The following COL28A1 variants were observed in gnomAD, a reference collection of about 807,000 sequenced individuals.
COL28A1 encodes collagen alpha-1(XXVIII) chain.
In COL28A1, 161 loss-of-function variants were observed where a neutral mutation model predicts 150.2. The observed-to-expected ratio is 1.07, with a 90% CI of 0.94 to 1.22. The LOEUF (loss-of-function observed/expected upper bound fraction) is 1.22. COL28A1 is among the 50% of genes most tolerant of loss of function. COL28A1 has a pLI of 0.00. For synonymous variants in COL28A1, 552 were observed against 469.7 expected (o/e 1.18, Z -2.26); for missense variants, 1,617 against 1,388.3 (o/e 1.16, Z -2.62).
intron 8 of COL28A1, chr7:7,511,847 G>GA (rs2115150710): frequency 2.2e-6 from 1 of 464,842 alleles, no homozygotes; most frequent in East Asian, 7.1e-5. Context: ...GAATATTGCT[G>GA]AAAAAACAAC....
chr7:7,501,555 C>CA lies in COL28A1; in HGVS notation c.1026+4458dup, dbSNP rs573989000. Reference sequence around the variant, plus strand: ...CCTCAGAAAGACATCAAGAAAATGGCAAAAATTACCTAATATAGGCTGGGC... The same window carrying CA: ...CCTCAGAAAGACATCAAGAAAATGGCAAAAAATTACCTAATATAGGCTGGGC... On this transcript the variant is annotated intron_variant, in intron 11 of 34. Coordinates refer to ENST00000399429, the MANE Select transcript of COL28A1 (RefSeq NM_001037763.3). 1.5e-3 allele frequency among the ~76,000 whole-genome samples: 234 copies of CA among 152,266 alleles called. 4 individuals carry two copies. The highest frequency in any genetic ancestry group is 5.3e-3 in the African/African-American group (222 of 41,544).
chr7:7,411,926 T>C (rs1399922814), intron 27 of COL28A1, among the ~76,000 whole-genome samples: 1 of 152,202 alleles, frequency 6.6e-6, no homozygotes, highest in Non-Finnish European at 1.5e-5. Flanking sequence ...GAGACCACCA[T>C]ACTTTCTGTT....
intron 27 of COL28A1, among the ~76,000 whole-genome samples, chr7:7,414,516 G>A (rs1042677867): frequency 6.6e-6 from 1 of 152,230 alleles, no homozygotes; most frequent in Non-Finnish European, 1.5e-5. Context: ...ACTAAATAAA[G>A]AGGGGCGAGC....
intron 33 of COL28A1, among the ~76,000 whole-genome samples, chr7:7,361,960 C>A (rs560898118): frequency 6.6e-6 from 1 of 152,088 alleles, no homozygotes; most frequent in Admixed American, 6.6e-5. Flanking sequence ...TGTTCTCATT[C>A]GTAAGTGGGA....
chr7:7,538,941 CCTTT>C (rs142979785), upstream of COL28A1, among the ~76,000 whole-genome samples: 4,036 of 151,002 alleles, frequency 0.027, 194 homozygotes, highest in African/African-American at 0.092. Flanking sequence ...AAGATCCTTT[CCTTT>C]CTTTCTTTCT....
the COL28A1 span, among the ~76,000 whole-genome samples, chr7:7,338,406 T>C: frequency 6.6e-6 from 1 of 152,138 alleles, no homozygotes; most frequent in Non-Finnish European, 1.5e-5. Context: ...TAAAGATCTT[T>C]CTGCTCCTTT....
intron 5 of COL28A1, 67 bp from the exon 6 acceptor site, chr7:7,520,182 T>C (rs1330658592): frequency 1.3e-6 from 1 of 775,394 alleles, no homozygotes; most frequent in Non-Finnish European, 2.2e-6. Flanking sequence ...TTTATAATAA[T>C]TTCTGATCAG....
In COL28A1 at chr7:7,532,846, G is replaced by T; in HGVS notation, c.30C>A (p.Leu10=). 6.2e-7 allele frequency: 1 copy of T among 1,611,480 alleles called. No individual in the cohort carries two copies. Among genetic ancestry groups the T allele is most frequent in the Non-Finnish European group, 8.5e-7 (1 of 1,179,006 alleles). MWNRYFVFY[L]LLLSAFTSQT... ...GACTCGTAAACGCTGACAAAAGCAGGAGATAGAAGACAAAATATCTGTTCC... is the reference window on the plus strand; with the variant it reads ...GACTCGTAAACGCTGACAAAAGCAGTAGATAGAAGACAAAATATCTGTTCC... The change falls in exon 2 of 35, where the codon CTC becomes CTA. Residue 10 remains leucine (L), a synonymous_variant. Coordinates refer to ENST00000399429, the MANE Select transcript of COL28A1 (RefSeq NM_001037763.3).
chr7:7,393,932 G>A (rs993942738), intron 27 of COL28A1, among the ~76,000 whole-genome samples: 1 of 151,968 alleles, frequency 6.6e-6, no homozygotes, highest in Admixed American at 6.6e-5. Flanking sequence ...TTCCAGGGGA[G>A]TGAACAGTTC....
At position 7,475,006 on chromosome 7, in the gene COL28A1, T is replaced by C. The variant is rs138092347; in HGVS notation, c.1234-337A>G. Among the ~76,000 whole-genome samples, 707 of 152,258 alleles carry C rather than the reference T, an allele frequency of 4.6e-3. 5 individuals are homozygous for C. Among genetic ancestry groups the C allele is most frequent in the East Asian group, 0.022 (115 of 5,178 alleles). ...ACATAGTATAACTAACTGGATCAAG[T>C]CTCCTTTTCCTTAATATTGCTGAAA... is the stretch of plus-strand genomic sequence containing the variant. On this transcript the variant is annotated intron_variant, in intron 14 of 34. Coordinates refer to ENST00000399429, the MANE Select transcript of COL28A1 (RefSeq NM_001037763.3).
chr7:7,349,105 T>G, the COL28A1 span, among the ~76,000 whole-genome samples: 1 of 152,112 alleles, frequency 6.6e-6, no homozygotes, highest in African/African-American at 2.4e-5. Flanking sequence ...TAAAATTTCC[T>G]CTATGGTTTA....
chr7:7,413,974 T>C (rs921600128), intron 27 of COL28A1, among the ~76,000 whole-genome samples: 1 of 152,300 alleles, frequency 6.6e-6, no homozygotes, highest in African/African-American at 2.4e-5. Flanking sequence ...CTGGGTCCTC[T>C]GAAAATAAGT....
intron 31 of COL28A1, among the ~76,000 whole-genome samples, chr7:7,374,491 C>T (rs1049712739): frequency 6.6e-6 from 1 of 152,126 alleles, no homozygotes; most frequent in Non-Finnish European, 1.5e-5. Context: ...GCAGTACATC[C>T]ATGCTATGAA....
intron 1 of COL28A1, among the ~76,000 whole-genome samples, chr7:7,535,272 T>C (rs1782582020): frequency 6.6e-6 from 1 of 152,150 alleles, no homozygotes; most frequent in Non-Finnish European, 1.5e-5. Flanking sequence ...AGTAAATAAA[T>C]CCAAGATACT....
chr7:7,527,553 GGGCTT>G (rs1421943624), intron 3 of COL28A1, among the ~76,000 whole-genome samples: 1 of 152,156 alleles, frequency 6.6e-6, no homozygotes, highest in East Asian at 1.9e-4. Flanking sequence ...GAGGTGGCGA[GGGCTT>G]GCACTCAGGC....
chr7:7,421,177 A>G (rs908264348), intron 25 of COL28A1, among the ~76,000 whole-genome samples: 1 of 152,234 alleles, frequency 6.6e-6, no homozygotes, highest in African/African-American at 2.4e-5. Flanking sequence ...AACATGAATG[A>G]ACCTCAAAAA....
At chr7:7,462,081 C>T (rs1459621470) in intron 15 of COL28A1, among the ~76,000 whole-genome samples, 1 of 152,186 alleles carries the variant, frequency 6.6e-6, no homozygotes, top group African/African-American at 2.4e-5. Context: ...CCAGTACCAG[C>T]CTGGAGCCCG....
intron 11 of COL28A1, among the ~76,000 whole-genome samples, chr7:7,493,045 A>C (rs927574182): frequency 3.8e-4 from 55 of 144,846 alleles, no homozygotes; most frequent in African/African-American, 1.3e-3. Flanking sequence ...AATATATATA[A>C]CATTAATATA....
chr7:7,342,137 T>G, the COL28A1 span, among the ~76,000 whole-genome samples: 1 of 152,110 alleles, frequency 6.6e-6, no homozygotes, highest in Non-Finnish European at 1.5e-5. Context: ...ACATACAAGT[T>G]TAAATTATTA....
Sources: allele counts gnomAD v4.1 joint callset (sites outside exome capture counted in the v4.1 genomes callset), GRCh38; gene constraint gnomAD v4.1.1; transcripts MANE v1.5; gene names NCBI Gene and HGNC (gene_info 2026-07-23, HGNC 2026-07-21).